The following SUMF2 variants were observed in gnomAD, a reference collection of about 807,000 sequenced individuals.
The protein encoded by SUMF2 is inactive C-alpha-formylglycine-generating enzyme 2.
In SUMF2, 45 loss-of-function variants were observed where a neutral mutation model predicts 44.8. The observed-to-expected ratio is 1.00, with a 90% CI of 0.79 to 1.29. The LOEUF (loss-of-function observed/expected upper bound fraction) is 1.29. Among genes scored for constraint, SUMF2 ranks in the 50% most tolerant of loss-of-function variants. The probability of loss-of-function intolerance (pLI) is 0.00; values close to 1 mark genes in which losing one functional copy is unlikely to be tolerated. For missense variants in SUMF2, 418 were observed against 389.9 expected (o/e 1.07, Z -0.61); for synonymous variants, 148 against 150.4 (o/e 0.98, Z 0.12).
Position 56,068,636 on chromosome 7 carries a change from C to T in SUMF2, c.222C>T (p.Phe74=), listed in dbSNP as rs1794966754. ...TATTTCCTGTCACCAACAAAGATTT[C>T]AGGTACATCAGGTATTCTTCCAGGA... ...IDIFPVTNKD[F]RDFVREKKYR... Residue 74 remains phenylalanine (F), a splice_region_variant and synonymous_variant, in exon 2 of 9, where the codon TTC becomes TTT. Transcript: ENST00000434526. 2 of 1,612,572 alleles carry T rather than the reference C, an allele frequency of 1.2e-6. No homozygotes were observed. Among genetic ancestry groups the T allele is most frequent in the Non-Finnish European group, 8.5e-7 (1 of 1,179,278 alleles).
chr7:56,075,353 T>C (rs1245515139), intron 5 of SUMF2, among the ~76,000 whole-genome samples: 10 of 151,690 alleles, frequency 6.6e-5, no homozygotes, highest in Non-Finnish European at 1.5e-4. Flanking sequence ...GAAAAAGAAT[T>C]ACCAAGACTA....
intron 5 of SUMF2, 24 bp from the exon 6 acceptor site, chr7:56,076,810 G>A (rs1394841532): frequency 6.3e-7 from 1 of 1,575,142 alleles, no homozygotes; most frequent in Non-Finnish European, 8.6e-7. Context: ...CCCCTCCTCT[G>A]CTGCCTCCTT....
At chr7:56,084,304 A>G, downstream of SUMF2, 1 of 986,152 alleles carries the variant, frequency 1.0e-6, no homozygotes, top group Non-Finnish European at 1.5e-6. Flanking sequence ...CTGGAGGCTG[A>G]AAGAGGGGAC....
chr7:56,081,742 A>G (rs753750195), downstream of SUMF2: 3 of 1,613,604 alleles, frequency 1.9e-6, no homozygotes, highest in Admixed American at 5.0e-5. The surrounding 1 kb of genome is among the most constrained non-coding windows in gnomAD (Gnocchi z 4.6). Context: ...TTGCACCACC[A>G]GGAATCGGGA....
chr7:56,087,731 G>A, the SUMF2 span: 2 of 1,613,606 alleles, frequency 1.2e-6, no homozygotes, highest in Non-Finnish European at 1.7e-6. Context: ...CGTACTCCTG[G>A]CTCGTGGGCT....
chr7:56,082,357 C>G, downstream of SUMF2: 1 of 866,064 alleles, frequency 1.2e-6, no homozygotes, highest in South Asian at 1.7e-5. Flanking sequence ...CTTTGGGAGG[C>G]CGAGGCAGGT....
At chr7:56,087,802 T>G in the SUMF2 span, 52 of 1,592,870 alleles carry the variant, frequency 3.3e-5, no homozygotes, top group South Asian at 5.3e-4. Context: ...ACAGATGGCC[T>G]CGGGGGGCCC....
intron 2 of SUMF2, among the ~76,000 whole-genome samples, chr7:56,070,193 G>C (rs1032637941): frequency 6.6e-6 from 1 of 151,932 alleles, no homozygotes; most frequent in East Asian, 1.9e-4. Context: ...ACAGCTGTGA[G>C]CCACCACGCC....
chr7:56,079,696 C>G lies in SUMF2; in HGVS notation c.*84C>G, dbSNP rs1394332493. 1 of 1,613,334 alleles carries G rather than the reference C, an allele frequency of 6.2e-7. No individual in the cohort carries two copies. Among genetic ancestry groups the G allele is most frequent in the Non-Finnish European group, 8.5e-7 (1 of 1,179,592 alleles). On this transcript the variant is annotated 3_prime_UTR_variant, in exon 9 of 9. Coordinates refer to ENST00000434526, the MANE Select transcript of SUMF2 (RefSeq NM_015411.4). ...GTTGCAAACAGCGCAATTCCAAGCT[C>G]GAGAGCTTCAGCCTCAGGAAAGAAC...
At chr7:56,073,427 T>C in intron 3 of SUMF2, 1 of 375,628 alleles carries the variant, frequency 2.7e-6, no homozygotes, top group South Asian at 2.2e-5. Context: ...CTGAGGTGAG[T>C]GGATCACCTG....
chr7:56,070,061 A>G (rs1376032954), intron 2 of SUMF2, among the ~76,000 whole-genome samples: 1 of 151,794 alleles, frequency 6.6e-6, no homozygotes, highest in Admixed American at 6.6e-5. Flanking sequence ...GGCATGCACC[A>G]CCACGCCCAG....
downstream of SUMF2, chr7:56,084,073 C>T (rs1796145155): frequency 6.3e-6 from 5 of 799,980 alleles, no homozygotes; most frequent in East Asian, 5.3e-5. Flanking sequence ...TTCCCATTAC[C>T]CTAGTTCCAG....
At chr7:56,081,635 A>G, downstream of SUMF2, 1 of 1,613,466 alleles carries the variant, frequency 6.2e-7, no homozygotes, top group South Asian at 1.1e-5. This position sits in a 1 kb window ranked among gnomAD's most constrained non-coding sequence, Gnocchi z 4.6. Flanking sequence ...AGTACCTTGA[A>G]CTTCCCCCGG....
intron 4 of SUMF2, 182 bp downstream of exon 4, chr7:56,074,400 T>A: frequency 2.0e-6 from 2 of 981,830 alleles, no homozygotes; most frequent in Non-Finnish European, 1.5e-6. Flanking sequence ...CTGTTACCCA[T>A]CCATTTCTCC....
At chr7:56,080,975 G>A (rs1206828609), downstream of SUMF2, 28 of 1,525,016 alleles carry the variant, frequency 1.8e-5, no homozygotes, top group African/African-American at 4.1e-5. Context: ...AGGCCTGCAC[G>A]CATCTCACCC....
intron 1 of SUMF2, among the ~76,000 whole-genome samples, chr7:56,066,808 T>C (rs13242830): frequency 0.48 from 73,099 of 152,066 alleles, 18,052 homozygotes; most frequent in East Asian, 0.69. Context: ...TTAGTAGAGA[T>C]GGGGTTTCGC....
chr7:56,073,936 G>A (rs571499643), intron 3 of SUMF2: 1 of 568,666 alleles, frequency 1.8e-6, no homozygotes, highest in African/African-American at 1.9e-5. Context: ...GATTACCTGA[G>A]TCCAGGAGGT....
chr7:56,068,500 G>C lies in SUMF2; in HGVS notation c.86G>C (p.Ser29Thr). The C allele has an allele frequency of 6.2e-7, 1 of 1,613,040 alleles. No individual in the cohort carries two copies. Among genetic ancestry groups the C allele is most frequent in the South Asian group, 1.1e-5 (1 of 90,816 alleles). The change falls in exon 2 of 9, where the codon AGC becomes ACC. Residue 29 changes from serine (S) to threonine (T), a missense_variant. Coordinates refer to ENST00000434526, the MANE Select transcript of SUMF2 (RefSeq NM_015411.4). The part of the protein sequence containing the change: ...WLKLGNGQAT[S>T]MVQLQGGRFL... ...TCTGCAGGAAATGGACAGGCTACTA[G>C]CATGGTCCAACTGCAGGGTGGGAGA... is the stretch of plus-strand genomic sequence containing the variant.
intron 1 of SUMF2, among the ~76,000 whole-genome samples, chr7:56,068,031 C>CTTTTT (rs565131237): frequency 1.2e-4 from 13 of 110,350 alleles, no homozygotes; most frequent in African/African-American, 1.7e-4. Context: ...TTTTTTCTTT[C>CTTTTT]TTTTTTTTTT....
Sources: allele counts gnomAD v4.1 joint callset (sites outside exome capture counted in the v4.1 genomes callset), GRCh38; gene constraint gnomAD v4.1.1; non-coding constraint Gnocchi (gnomAD v3.1); transcripts MANE v1.5; gene names NCBI Gene and HGNC (gene_info 2026-07-23, HGNC 2026-07-21).